HOMER2: variants seen among roughly 807,000 people sequenced by gnomAD.
HOMER2 encodes homer protein homolog 2.
Under a neutral mutation model 47.0 loss-of-function variants are expected in HOMER2, and 27 were observed. The ratio of observed to expected loss-of-function variants is 0.57; its 90% confidence interval spans 0.42 to 0.79. The LOEUF (loss-of-function observed/expected upper bound fraction) is 0.79, where lower values mean the gene tolerates loss of function less well. HOMER2 is among the 30% of genes least tolerant of loss of function. The pLI is 0.00. For missense variants in HOMER2, 443 were observed against 435.0 expected, an observed-to-expected ratio of 1.02 and a Z score of -0.16; for synonymous variants, 161 against 163.8, an observed-to-expected ratio of 0.98 and a Z score of 0.13.
At chr15:82,909,972 T>G (rs189318051) in intron 1 of HOMER2, among the ~76,000 whole-genome samples, 13 of 151,632 alleles carry the variant, frequency 8.6e-5, no homozygotes, top group African/African-American at 3.1e-4. Context: ...CCGTCTCTAC[T>G]AAAAATACAA....
chr15:82,850,633 TTACCAATTCCAG>T (rs962875509), intron 8 of HOMER2, among the ~76,000 whole-genome samples: 2 of 152,206 alleles, frequency 1.3e-5, no homozygotes, highest in Non-Finnish European at 2.9e-5. Context: ...CAGGAAGCAG[TTACCAATTCCAG>T]GGTCATGTAA....
chr15:82,909,376 CCT>C (rs1177086899), intron 1 of HOMER2, among the ~76,000 whole-genome samples: 1 of 152,122 alleles, frequency 6.6e-6, no homozygotes, highest in African/African-American at 2.4e-5. Context: ...GTGTCTTTCC[CCT>C]GTTGGCTAGG....
chr15:82,901,701 C>G (rs1365176134), intron 1 of HOMER2, among the ~76,000 whole-genome samples: 1 of 152,264 alleles, frequency 6.6e-6, no homozygotes, highest in Non-Finnish European at 1.5e-5. Context: ...GAGCACCAGG[C>G]TAAGGACATC....
chr15:82,928,940 TAAA>T lies in HOMER2; in HGVS notation c.5+23588_5+23590del. Among the ~76,000 whole-genome samples, 11 of 39,940 alleles carry T rather than the reference TAAA, an allele frequency of 2.8e-4. 1 individual carries two copies. The highest frequency in any genetic ancestry group is 9.3e-4 in the African/African-American group (6 of 6,474). The allele number at this position is 39,940 out of a possible 152,430, so 26.2% of individuals were successfully genotyped here. ...TAACAACTGGCAAAAAAATAAAAAC[TAAA>T]AAAAAAAAAAAAAAAAAGCTGTCAT... On this transcript the variant is annotated intron_variant, in intron 1 of 8. Coordinates refer to ENST00000450735, the MANE Select transcript of HOMER2 (RefSeq NM_004839.4).
chr15:82,969,668 G>C (rs998779463), intron 1 of HOMER2, among the ~76,000 whole-genome samples: 1 of 152,164 alleles, frequency 6.6e-6, no homozygotes, highest in Admixed American at 6.5e-5. Context: ...AGACATCTAA[G>C]TGCATACAGT....
chr15:82,889,140 G>A (rs1197589028), intron 2 of HOMER2, among the ~76,000 whole-genome samples: 1 of 152,222 alleles, frequency 6.6e-6, no homozygotes, highest in African/African-American at 2.4e-5. Context: ...CAGCCCATGA[G>A]CTAAGACACA....
At chr15:82,969,794 G>A (rs999529707) in intron 1 of HOMER2, among the ~76,000 whole-genome samples, 2 of 152,122 alleles carry the variant, frequency 1.3e-5, no homozygotes, top group Admixed American at 6.5e-5. Context: ...AACAGTAACT[G>A]AAAGTTAACA....
intron 8 of HOMER2, among the ~76,000 whole-genome samples, chr15:82,850,553 C>T (rs2151596776): frequency 6.6e-6 from 1 of 152,344 alleles, no homozygotes; most frequent in East Asian, 1.9e-4. Context: ...AGCCATAAGC[C>T]TTTAACTCTT....
At chr15:82,860,637 A>G (rs184597789) in intron 4 of HOMER2, among the ~76,000 whole-genome samples, 42 of 152,180 alleles carry the variant, frequency 2.8e-4, no homozygotes, top group African/African-American at 9.4e-4. Context: ...TCTCACTAGT[A>G]AAGAAGTACA....
At position 82,875,208 on chromosome 15, in the gene HOMER2, G is replaced by A; in HGVS notation, c.294+65C>T. On this transcript the variant is annotated intron_variant, in intron 3 of 8. Coordinates refer to ENST00000450735, the MANE Select transcript of HOMER2 (RefSeq NM_004839.4). ...CTCACCAAGGGCACATCCCTCGGCG[G>A]GCAATCACTGATGAGAATGGCATCT... The A allele has an allele frequency of 3.2e-6, 5 of 1,563,976 alleles. No homozygotes were observed. In the South Asian group the frequency reaches 5.8e-5, roughly 18 times the overall value.
chr15:82,962,412 C>T (rs1282607192), intron 1 of HOMER2, among the ~76,000 whole-genome samples: 1 of 148,630 alleles, frequency 6.7e-6, no homozygotes, highest in African/African-American at 2.5e-5. Context: ...CATGGTGGCT[C>T]ACACCTGTAA....
intron 1 of HOMER2, among the ~76,000 whole-genome samples, chr15:82,965,643 A>C (rs2054667241): frequency 6.6e-6 from 1 of 152,056 alleles, no homozygotes; most frequent in Non-Finnish European, 1.5e-5. Context: ...CAAGTTCCCT[A>C]GCTGTAAAAT....
At chr15:82,847,037 G>A (rs896404470), downstream of HOMER2, 1 of 152,228 alleles carries the variant, frequency 6.6e-6, no homozygotes, top group African/African-American at 2.4e-5. Flanking sequence ...CCAAAATCAG[G>A]AGACCTCAAT....
At chr15:82,931,970 T>C (rs556908881) in intron 1 of HOMER2, among the ~76,000 whole-genome samples, 34 of 152,312 alleles carry the variant, frequency 2.2e-4, no homozygotes, top group African/African-American at 7.7e-4. Context: ...TCTGATTCTG[T>C]TAGTGCCAAA....
intron 1 of HOMER2, among the ~76,000 whole-genome samples, chr15:82,968,313 G>C (rs1431317653): frequency 6.6e-6 from 1 of 152,230 alleles, no homozygotes; most frequent in African/African-American, 2.4e-5. Flanking sequence ...CAGTTAGTCA[G>C]TCAGTCCTCA....
At chr15:82,915,620 G>C (rs972160052) in intron 1 of HOMER2, among the ~76,000 whole-genome samples, 1 of 152,262 alleles carries the variant, frequency 6.6e-6, no homozygotes, top group Non-Finnish European at 1.5e-5. Context: ...GCTAACGTGG[G>C]AGGATTGCCT....
chr15:82,859,322 C>T (rs1334521262), intron 4 of HOMER2, 187 bp from the exon 5 acceptor site: 7 of 723,644 alleles, frequency 9.7e-6, no homozygotes, highest in African/African-American at 9.0e-5. Flanking sequence ...TTTAAACAAA[C>T]AAACAAACAA....
chr15:82,863,281 C>T (rs1488540759), intron 4 of HOMER2, among the ~76,000 whole-genome samples: 1 of 152,198 alleles, frequency 6.6e-6, no homozygotes, highest in Non-Finnish European at 1.5e-5. Flanking sequence ...CCTGCCTTAC[C>T]ATCTGCAAGC....
chr15:82,898,634 TTAGA>T (rs1218825662), intron 1 of HOMER2, among the ~76,000 whole-genome samples: 1 of 152,208 alleles, frequency 6.6e-6, no homozygotes. Flanking sequence ...CCAAGAATAA[TTAGA>T]TACTCTGTGC....
Sources: allele counts gnomAD v4.1 joint callset (sites outside exome capture counted in the v4.1 genomes callset), GRCh38; gene constraint gnomAD v4.1.1; transcripts MANE v1.5; gene names NCBI Gene and HGNC (gene_info 2026-07-23, HGNC 2026-07-21).